The following RASGRF2 variants were observed in gnomAD, a reference collection of about 807,000 sequenced individuals.
RASGRF2 encodes Ras protein specific guanine nucleotide releasing factor 2, also known as ras-specific guanine nucleotide-releasing factor 2.
In RASGRF2, 76 loss-of-function variants were observed where a neutral mutation model predicts 151.0. The observed-to-expected ratio is 0.50, with a 90% CI of 0.42 to 0.61. The LOEUF is 0.61. RASGRF2 is among the 20% of genes least tolerant of loss of function. The probability of loss-of-function intolerance (pLI) is 0.00; values close to 1 mark genes in which losing one functional copy is unlikely to be tolerated. For missense variants in RASGRF2, 1,148 were observed against 1,564.6 expected, an observed-to-expected ratio of 0.73 and a Z score of 4.49; for synonymous variants, 504 against 566.5, an observed-to-expected ratio of 0.89 and a Z score of 1.57.
chr5:81,145,673 C>T (rs987627251), intron 17 of RASGRF2, among the ~76,000 whole-genome samples: 1 of 152,180 alleles, frequency 6.6e-6, no homozygotes, highest in Admixed American at 6.5e-5. Context: ...ACTAGGTCTT[C>T]TGCCAACAGC....
chr5:81,109,797 A>G (rs17212829), intron 13 of RASGRF2, among the ~76,000 whole-genome samples: 11,106 of 152,296 alleles, frequency 0.073, 420 homozygotes, highest in South Asian at 0.12. Context: ...AACCACTTAC[A>G]TACAGACCAG....
At chr5:80,979,744 G>A (rs1380649821) in intron 1 of RASGRF2, among the ~76,000 whole-genome samples, 1 of 152,190 alleles carries the variant, frequency 6.6e-6, no homozygotes, top group East Asian at 1.9e-4. Flanking sequence ...ATTGCATCCT[G>A]TACTGTAAGC....
At chr5:81,148,938 A>G (rs939170059) in intron 17 of RASGRF2, among the ~76,000 whole-genome samples, 1 of 152,188 alleles carries the variant, frequency 6.6e-6, no homozygotes, top group Non-Finnish European at 1.5e-5. Context: ...TGATAATGCA[A>G]TTAAAACCAC....
At chr5:81,061,297 G>A (rs1304436678) in intron 2 of RASGRF2, among the ~76,000 whole-genome samples, 1 of 151,836 alleles carries the variant, frequency 6.6e-6, no homozygotes, top group Admixed American at 6.6e-5. Context: ...TTTTTCTTGA[G>A]TGATATTATT....
Position 81,228,046 on chromosome 5 carries a change from G to A in RASGRF2, c.*2276G>A, listed in dbSNP as rs1359684378. 6.6e-6 allele frequency: 1 copy of A among 152,132 alleles called. No individual in the cohort carries two copies. The highest frequency in any genetic ancestry group is 1.5e-5 in the Non-Finnish European group (1 of 68,048). 9.4% of individuals were successfully genotyped at this position (152,132 alleles called of 1,614,324 possible). On this transcript the variant is annotated 3_prime_UTR_variant, in exon 27 of 27. Coordinates refer to ENST00000265080, the MANE Select transcript of RASGRF2 (RefSeq NM_006909.3). ...AGGATGTTGGAACTGCCCCGCACTGGTCATATTAGGCACTGTCAATTGCTA... is the reference window on the plus strand; with the variant it reads ...AGGATGTTGGAACTGCCCCGCACTGATCATATTAGGCACTGTCAATTGCTA...
rs867241754 is a variant in RASGRF2 at position 81,023,348 on chromosome 5, T to C, written c.289-19529T>C. On this transcript the variant is annotated intron_variant, in intron 1 of 26. Transcript: ENST00000265080. Reference sequence around the variant, plus strand: ...TTTGTGATGACCCAGTACTTGGTAATGTCTGCTCCAGTTCCTGTATTAGGA... The same window carrying C: ...TTTGTGATGACCCAGTACTTGGTAACGTCTGCTCCAGTTCCTGTATTAGGA... 4.6e-5 allele frequency among the ~76,000 whole-genome samples: 7 copies of C among 152,368 alleles called. No homozygotes were observed. In the South Asian group the frequency reaches 6.2e-4, roughly 14 times the overall value.
At chr5:80,970,079 C>G (rs1747882745) in intron 1 of RASGRF2, among the ~76,000 whole-genome samples, 2 of 152,016 alleles carry the variant, frequency 1.3e-5, no homozygotes, top group Non-Finnish European at 2.9e-5. Context: ...CCCGCCTTGG[C>G]CTCCCAAAGT....
intron 17 of RASGRF2, among the ~76,000 whole-genome samples, chr5:81,142,775 A>G (rs1182654927): frequency 6.6e-6 from 1 of 152,162 alleles, no homozygotes; most frequent in Non-Finnish European, 1.5e-5. Context: ...AATTCTTATT[A>G]AGAATTATTA....
At chr5:81,045,462 T>C (rs2112400571) in intron 2 of RASGRF2, among the ~76,000 whole-genome samples, 1 of 152,330 alleles carries the variant, frequency 6.6e-6, no homozygotes, top group Non-Finnish European at 1.5e-5. Context: ...TCAGTAATTA[T>C]TTGGTGGTGT....
intron 12 of RASGRF2, among the ~76,000 whole-genome samples, chr5:81,095,524 G>A (rs1006400452): frequency 2.0e-5 from 3 of 152,304 alleles, no homozygotes; most frequent in East Asian, 3.9e-4. Flanking sequence ...GCCAGTTGGG[G>A]AATTGCTCCA....
chr5:81,025,330 T>C (rs1258648988), intron 1 of RASGRF2, among the ~76,000 whole-genome samples: 2 of 152,172 alleles, frequency 1.3e-5, no homozygotes, highest in Non-Finnish European at 2.9e-5. Flanking sequence ...CTTCCGATTC[T>C]TGCACAGGCC....
chr5:81,021,097 T>C (rs552041624), intron 1 of RASGRF2, among the ~76,000 whole-genome samples: 5 of 152,264 alleles, frequency 3.3e-5, no homozygotes, highest in African/African-American at 1.2e-4. Context: ...ATGGTGTGCA[T>C]TGGAAGAAAC....
chr5:81,117,782 C>A (rs1409230855), intron 15 of RASGRF2, among the ~76,000 whole-genome samples: 1 of 152,174 alleles, frequency 6.6e-6, no homozygotes, highest in Non-Finnish European at 1.5e-5. Flanking sequence ...CATCCTGAGG[C>A]AAATTCCCTT....
At chr5:81,108,748 C>T (rs1752911945) in intron 12 of RASGRF2, among the ~76,000 whole-genome samples, 1 of 151,908 alleles carries the variant, frequency 6.6e-6, no homozygotes. Context: ...TTGTATCTGT[C>T]CTCAGGTATT....
chr5:81,048,942 C>T (rs486050), intron 2 of RASGRF2, among the ~76,000 whole-genome samples: 56,245 of 151,822 alleles, frequency 0.37, 10,733 homozygotes, highest in Middle Eastern at 0.61. Context: ...ACATGCAGCC[C>T]GGCTTCTTGA....
intron 1 of RASGRF2, chr5:81,019,643 G>A (rs1749764322): frequency 6.6e-6 from 1 of 152,200 alleles, no homozygotes; most frequent in Non-Finnish European, 1.5e-5. Context: ...AGTAATATGT[G>A]TGGAGCAGCA....
intron 2 of RASGRF2, among the ~76,000 whole-genome samples, chr5:81,059,115 G>A (rs1751327915): frequency 6.6e-6 from 1 of 152,170 alleles, no homozygotes; most frequent in African/African-American, 2.4e-5. Context: ...TGGGCGCAGT[G>A]GCTCACGCCT....
At chr5:81,133,815 A>G (rs999024205) in intron 17 of RASGRF2, among the ~76,000 whole-genome samples, 2 of 152,218 alleles carry the variant, frequency 1.3e-5, no homozygotes, top group African/African-American at 4.8e-5. Context: ...TGAATCTTTT[A>G]CTGGTAGTTA....
chr5:81,165,087 C>T (rs1388325435), intron 17 of RASGRF2, among the ~76,000 whole-genome samples: 3 of 152,138 alleles, frequency 2.0e-5, no homozygotes, highest in Non-Finnish European at 2.9e-5. Flanking sequence ...GAACGGTGGG[C>T]GTTTTCCAGG....
Sources: gnomAD v4.1 joint callset for allele counts (sites outside exome capture counted in the v4.1 genomes callset) on GRCh38, gnomAD v4.1.1 for gene constraint, MANE v1.5 for transcripts, NCBI Gene and HGNC (gene_info 2026-07-23, HGNC 2026-07-21) for gene names.